UTY: variants seen among roughly 807,000 people sequenced by gnomAD.
UTY encodes the protein ubiquitously transcribed tetratricopeptide repeat containing, Y-linked, also known as histone demethylase UTY.
In UTY, 12 loss-of-function variants were observed where a neutral mutation model predicts 32.5. The observed-to-expected ratio is 0.37, with a 90% CI of 0.24 to 0.60. The LOEUF is 0.60. Among genes scored for constraint, UTY ranks in the 20% least tolerant of loss-of-function variants. UTY has a pLI of 0.69. For synonymous variants in UTY, 131 were observed against 103.4 expected, an observed-to-expected ratio of 1.27 and a Z score of -1.62; for missense variants, 303 against 299.2, an observed-to-expected ratio of 1.01 and a Z score of -0.09.
At chrY:13,297,538 G>C in intron 27 of UTY, 169 bp downstream of exon 27, 1 of 309,885 alleles carries the variant, frequency 3.2e-6, no homozygotes, top group African/African-American at 7.2e-5. Flanking sequence ...AATCTTATGA[G>C]ATTTTATAAC....
rs767353686 is a variant in UTY at position 13,249,895 on chromosome Y, G to T, written c.4309-13C>A. 4.1e-6 allele frequency: 1 copy of T among 244,494 alleles called. No homozygotes were observed. Among genetic ancestry groups the T allele is most frequent in the Non-Finnish European group, 6.3e-6 (1 of 159,348 alleles). The allele number at this position is 244,494 out of a possible 400,897, so 61.0% of individuals were successfully genotyped here. On this transcript the variant is annotated splice_polypyrimidine_tract_variant and intron_variant, in intron 29 of 29. Transcript: ENST00000545955. ...ATAATGAAAGAGCCTAGAAATAAAA[G>T]TTAAGATTTTGTTATATAAATCCTT...
At chrY:13,377,943 C>G in intron 8 of UTY, among the ~76,000 whole-genome samples, 1 of 32,029 alleles carries the variant, frequency 3.1e-5, no homozygotes, top group African/African-American at 1.2e-4. Context: ...GGTAGCCAAC[C>G]TACCACAAAA....
chrY:13,249,688 A>C lies in UTY; in HGVS notation c.*168T>G. The C allele has an allele frequency of 1.2e-5, 1 of 80,106 alleles. No homozygotes were observed. Among genetic ancestry groups the C allele is most frequent in the Non-Finnish European group, 2.5e-5 (1 of 39,612 alleles). The allele number at this position is 80,106 out of a possible 400,897, so 20.0% of individuals were successfully genotyped here. ...GAAGTACAGCTGGATCAGCATGTTA[A>C]GTCCTGAAGCAGAGGCAGCACTGTG... On this transcript the variant is annotated 3_prime_UTR_variant, in exon 30 of 30. Coordinates refer to ENST00000545955, the MANE Select transcript of UTY (RefSeq NM_001258249.2).
At chrY:13,392,395 A>AT in intron 8 of UTY, among the ~76,000 whole-genome samples, 1 of 33,492 alleles carries the variant, frequency 3.0e-5, no homozygotes, top group Non-Finnish European at 7.4e-5. Context: ...CTTATATCCT[A>AT]TTGCTTAAGG....
At chrY:13,416,247 C>T in intron 4 of UTY, among the ~76,000 whole-genome samples, 1 of 34,289 alleles carries the variant, frequency 2.9e-5, no homozygotes, top group Non-Finnish European at 7.3e-5. Flanking sequence ...GTTATGAATG[C>T]CTGCTGTCCT....
chrY:13,367,733 T>TA (rs1441962097), intron 9 of UTY, among the ~76,000 whole-genome samples: 7 of 33,493 alleles, frequency 2.1e-4, no homozygotes, highest in Non-Finnish European at 5.2e-4. Context: ...ACAATCAAGA[T>TA]AAATAAGCAA....
intron 28 of UTY, among the ~76,000 whole-genome samples, chrY:13,241,380 G>C: frequency 3.0e-5 from 1 of 33,345 alleles, no homozygotes; most frequent in Non-Finnish European, 7.4e-5. Context: ...GTAAAAAAGA[G>C]AAATGTGTAA....
intron 6 of UTY, among the ~76,000 whole-genome samples, chrY:13,400,390 T>A: frequency 3.0e-5 from 1 of 33,226 alleles, no homozygotes; most frequent in Non-Finnish European, 7.5e-5. Context: ...CAAATCAGAT[T>A]TTTGTTAACT....
chrY:13,299,257 T>TA, intron 25 of UTY, 113 bp from the exon 26 acceptor site: 2 of 153,266 alleles, frequency 1.3e-5, no homozygotes, highest in South Asian at 1.1e-4. Flanking sequence ...TAACAAGAGT[T>TA]AAAAAAAATG....
At chrY:13,435,501 C>T in intron 4 of UTY, among the ~76,000 whole-genome samples, 2 of 34,127 alleles carry the variant, frequency 5.9e-5, no homozygotes, top group African/African-American at 1.1e-4. Flanking sequence ...TTGTCTGAAA[C>T]CGGTATCCTG....
intron 8 of UTY, among the ~76,000 whole-genome samples, chrY:13,392,374 T>G (rs2067662080): frequency 3.0e-5 from 1 of 33,624 alleles, no homozygotes; most frequent in East Asian, 7.8e-4. Context: ...ACGCTAAGCA[T>G]GCGGGGGTTA....
chrY:13,368,194 T>C, intron 9 of UTY, among the ~76,000 whole-genome samples: 1 of 26,451 alleles, frequency 3.8e-5, no homozygotes, highest in Non-Finnish European at 8.8e-5. Context: ...GCCTCCCGAG[T>C]AGCTGGGACT....
intron 2 of UTY, among the ~76,000 whole-genome samples, chrY:13,473,525 G>C: frequency 3.0e-5 from 1 of 33,255 alleles, no homozygotes; most frequent in African/African-American, 1.2e-4. Context: ...TGTGGGATGA[G>C]CAAGGAGTGC....
chrY:13,476,215 G>A (rs894209283), intron 2 of UTY, among the ~76,000 whole-genome samples: 4 of 33,273 alleles, frequency 1.2e-4, no homozygotes, highest in Admixed American at 2.7e-4. Flanking sequence ...CCAGTAATAC[G>A]TAAACAATAA....
chrY:13,368,656 C>T, intron 9 of UTY, among the ~76,000 whole-genome samples: 1 of 31,904 alleles, frequency 3.1e-5, no homozygotes, highest in Non-Finnish European at 7.6e-5. Context: ...TGGGACCTGG[C>T]CAGCACTAAG....
In UTY at chrY:13,317,423, T is replaced by C. The variant is rs747554827; in HGVS notation, c.3276+6132A>G. On this transcript the variant is annotated intron_variant, in intron 21 of 29. Coordinates refer to ENST00000545955, the MANE Select transcript of UTY (RefSeq NM_001258249.2). ...TTGGCTTCAAGCAGTCCACAGGTAG[T>C]AGGGCTTACTTTAGAAAAGAGATGT... Among the ~76,000 whole-genome samples, 9 of 34,082 alleles carry C rather than the reference T, an allele frequency of 2.6e-4. No individual in the cohort carries two copies. The East Asian group carries it at 6.8e-3, about 26-fold the overall frequency. 91.4% of individuals were successfully genotyped at this position (34,082 alleles called of 37,273 possible).
At chrY:13,267,459 G>A in intron 27 of UTY, among the ~76,000 whole-genome samples, 1 of 32,902 alleles carries the variant, frequency 3.0e-5, no homozygotes, top group African/African-American at 1.2e-4. Context: ...CACACTGATA[G>A]GTCTTGACTG....
chrY:13,405,178 T>C, intron 6 of UTY, among the ~76,000 whole-genome samples: 4 of 32,319 alleles, frequency 1.2e-4, no homozygotes, highest in African/African-American at 4.8e-4. Context: ...ACAATCCTGA[T>C]GAGGGAAAAA....
intron 24 of UTY, among the ~76,000 whole-genome samples, chrY:13,303,597 A>G (rs2058504813): frequency 3.0e-5 from 1 of 33,454 alleles, no homozygotes; most frequent in South Asian, 6.6e-4. Context: ...TCTTTAAATT[A>G]TATCTGGCAA....
Sources: gnomAD v4.1 joint callset for allele counts (sites outside exome capture counted in the v4.1 genomes callset) on GRCh38, gnomAD v4.1.1 for gene constraint, MANE v1.5 for transcripts, NCBI Gene and HGNC (gene_info 2026-07-23, HGNC 2026-07-21) for gene names.